Variants in GALNT12 observed in about 807,000 individuals in gnomAD.
GALNT12 encodes the protein UDP-GalNAc:polypeptide N-acetylgalactosaminyltransferase 12.
A neutral mutation model predicts 55.5 loss-of-function variants in GALNT12; 45 were observed. That is an observed-to-expected ratio of 0.81 (90% confidence interval 0.64 to 1.04). The LOEUF (loss-of-function observed/expected upper bound fraction) is 1.04. GALNT12 is among the 50% of genes least tolerant of loss of function. GALNT12 has a pLI of 0.00. For missense variants in GALNT12, 709 were observed against 754.8 expected, an observed-to-expected ratio of 0.94 and a Z score of 0.71; for synonymous variants, 304 against 312.2, an observed-to-expected ratio of 0.97 and a Z score of 0.28.
rs1193890334 is a variant in GALNT12, at chr9:98,840,195, C to T, written c.1344+62C>T. On this transcript the variant is annotated intron_variant, in intron 7 of 9. Transcript: ENST00000375011. ...TTCCCTGGCCTCTGGGTCTGCTCTG[C>T]AAATCCTGGGCAAGAAAGGCCACGT... The T allele has an allele frequency of 1.8e-5, 29 of 1,604,766 alleles. No homozygotes were observed. In the South Asian group the frequency reaches 2.9e-4, roughly 16 times the overall value.
chr9:98,817,609 GCCCACCA>G (rs1835643004), intron 1 of GALNT12, among the ~76,000 whole-genome samples: 1 of 151,916 alleles, frequency 6.6e-6, no homozygotes, highest in Non-Finnish European at 1.5e-5. Flanking sequence ...GACTACAGGT[GCCCACCA>G]CCACGTTCTG....
chr9:98,826,959 C>T lies in GALNT12; in HGVS notation c.731+18C>T. On this transcript the variant is annotated intron_variant, in intron 3 of 9. Coordinates refer to ENST00000375011, the MANE Select transcript of GALNT12 (RefSeq NM_024642.5). ...CTGCAGAGGTACGTGAGCCGCCCACCATGGGAGAGACAGCATGTTACCTGG... is the reference window on the plus strand; with the variant it reads ...CTGCAGAGGTACGTGAGCCGCCCACTATGGGAGAGACAGCATGTTACCTGG... The T allele has an allele frequency of 1.3e-6, 2 of 1,552,498 alleles. No individual in the cohort carries two copies. Among genetic ancestry groups the T allele is most frequent in the Non-Finnish European group, 1.7e-6 (2 of 1,147,598 alleles).
At chr9:98,845,562 T>C (rs1265797514) in intron 8 of GALNT12, among the ~76,000 whole-genome samples, 6 of 152,108 alleles carry the variant, frequency 3.9e-5, no homozygotes, top group African/African-American at 1.4e-4. Flanking sequence ...GGAACTGTCA[T>C]ATTGGGGGTT....
chr9:98,829,579 C>A (rs1187161388), intron 3 of GALNT12, among the ~76,000 whole-genome samples: 1 of 151,856 alleles, frequency 6.6e-6, no homozygotes, highest in East Asian at 1.9e-4. Context: ...TTCATTCTTT[C>A]TATTTTTTTG....
In GALNT12 at chr9:98,849,380, T is replaced by C. The variant is rs985928177; in HGVS notation, c.*288T>C. 1.2e-5 allele frequency: 7 copies of C among 572,060 alleles called. No homozygotes were observed. Among genetic ancestry groups the C allele is most frequent in the Admixed American group, 1.0e-4 (3 of 30,072 alleles). 35.4% of individuals were successfully genotyped at this position (572,060 alleles called of 1,614,324 possible). On this transcript the variant is annotated 3_prime_UTR_variant, in exon 10 of 10. Coordinates refer to ENST00000375011, the MANE Select transcript of GALNT12 (RefSeq NM_024642.5). ...GAAAATTAAAACCTTATAATATTTT[T>C]CTATCAAGATGTATATTTTACAGTC... is the stretch of plus-strand genomic sequence containing the variant.
At chr9:98,810,644 G>A (rs1264487582) in intron 1 of GALNT12, among the ~76,000 whole-genome samples, 1 of 152,132 alleles carries the variant, frequency 6.6e-6, no homozygotes, top group Non-Finnish European at 1.5e-5. Context: ...GACTCTTCCT[G>A]GTGTCAGCAG....
At chr9:98,820,841 G>A (rs1230782014) in intron 1 of GALNT12, among the ~76,000 whole-genome samples, 3 of 152,126 alleles carry the variant, frequency 2.0e-5, no homozygotes, top group East Asian at 1.9e-4. Flanking sequence ...AAAGAATGTC[G>A]TGTCTTCCAA....
At chr9:98,821,305 C>T (rs866342978) in intron 1 of GALNT12, among the ~76,000 whole-genome samples, 8 of 152,076 alleles carry the variant, frequency 5.3e-5, no homozygotes, top group Non-Finnish European at 7.4e-5. Context: ...CCATCATGCC[C>T]GGCCCTGTTC....
chr9:98,811,559 C>T (rs1165976364), intron 1 of GALNT12, among the ~76,000 whole-genome samples: 1 of 152,142 alleles, frequency 6.6e-6, no homozygotes, highest in African/African-American at 2.4e-5. Flanking sequence ...TCAAGGAAAG[C>T]ATGGTGTTTT....
At chr9:98,817,719 C>T (rs1835646014) in intron 1 of GALNT12, among the ~76,000 whole-genome samples, 1 of 152,118 alleles carries the variant, frequency 6.6e-6, no homozygotes, top group African/African-American at 2.4e-5. Flanking sequence ...GCCTCAGCCT[C>T]CCAAAGTGCT....
Position 98,823,288 on chromosome 9 carries a change from T to A in GALNT12, c.404T>A (p.Leu135Ter). 3 of 1,614,174 alleles carry A rather than the reference T, an allele frequency of 1.9e-6. No homozygotes were observed. The highest frequency in any genetic ancestry group is 2.5e-6 in the Non-Finnish European group (3 of 1,179,964). Residue 135 changes from leucine to a stop codon, truncating the protein, a stop_gained, in exon 2 of 10, where the codon TTG becomes TAG. Coordinates refer to ENST00000375011, the MANE Select transcript of GALNT12 (RefSeq NM_024642.5). LOFTEE classifies it high-confidence loss of function. ...CKEKKYDYDN[L>*]PRTSVIIAFY... ...GAGAAGAAATATGATTATGATAATT[T>A]GCCCAGGACATCTGTTATCATAGCA...
chr9:98,825,272 C>T (rs955452766), intron 2 of GALNT12, among the ~76,000 whole-genome samples: 4 of 152,106 alleles, frequency 2.6e-5, no homozygotes, highest in African/African-American at 2.4e-5. Flanking sequence ...GATTAAATAG[C>T]TCCTCAGTAG....
intron 9 of GALNT12, 127 bp from the exon 10 acceptor site, chr9:98,848,825 G>A: frequency 1.8e-6 from 2 of 1,111,050 alleles, no homozygotes; most frequent in South Asian, 2.7e-5. Context: ...GCGTTACACG[G>A]AAGACACTTA....
chr9:98,844,367 T>C (rs1324332035), intron 8 of GALNT12, 158 bp downstream of exon 8: 8 of 641,214 alleles, frequency 1.2e-5, no homozygotes, highest in African/African-American at 1.1e-4. Context: ...TAAAATGTGT[T>C]TTCTTCCCAT....
chr9:98,849,939 T>C lies in GALNT12; in HGVS notation c.*847T>C, dbSNP rs550688174. On this transcript the variant is annotated 3_prime_UTR_variant, in exon 10 of 10. Transcript: ENST00000375011. Reference sequence around the variant, plus strand: ...CATTAATAACAGTTATTAATTTAAATCAGCGTTAGAGTTTGTGCTGCTGCA... The same window carrying C: ...CATTAATAACAGTTATTAATTTAAACCAGCGTTAGAGTTTGTGCTGCTGCA... 4.3e-6 allele frequency: 1 copy of C among 230,294 alleles called. No homozygotes were observed. The highest frequency in any genetic ancestry group is 5.7e-5 in the Admixed American group (1 of 17,618). 14.3% of individuals were successfully genotyped at this position (230,294 alleles called of 1,614,324 possible). A position where few individuals can be genotyped will look rare whatever the true frequency, so the allele number is the denominator to read the frequency against.
intron 1 of GALNT12, 55 bp from the exon 2 acceptor site, chr9:98,823,201 C>A: frequency 6.5e-7 from 1 of 1,537,448 alleles, no homozygotes; most frequent in Non-Finnish European, 9.0e-7. Flanking sequence ...TCACTCCATC[C>A]CCAGTGCCAG....
intron 7 of GALNT12, among the ~76,000 whole-genome samples, chr9:98,840,536 A>C (rs575084350): frequency 1.3e-5 from 2 of 152,286 alleles, no homozygotes; most frequent in South Asian, 4.2e-4. Flanking sequence ...TATTTCAAAA[A>C]ACCTAAAAAA....
chr9:98,843,594 A>G (rs1041414267), intron 7 of GALNT12, among the ~76,000 whole-genome samples: 16 of 152,080 alleles, frequency 1.1e-4, no homozygotes, highest in Non-Finnish European at 5.9e-5. Flanking sequence ...TTTAGTAGAG[A>G]TGCGGTTTTG....
At chr9:98,845,913 C>T (rs879049476) in intron 8 of GALNT12, 64 bp from the exon 9 acceptor site, 19 of 1,565,220 alleles carry the variant, frequency 1.2e-5, no homozygotes, top group Admixed American at 7.1e-5. Flanking sequence ...TCTTGTCCAG[C>T]GATCTTTCCT....
Sources: gnomAD v4.1 joint callset for allele counts (sites outside exome capture counted in the v4.1 genomes callset) on GRCh38, gnomAD v4.1.1 for gene constraint, MANE v1.5 for transcripts, NCBI Gene and HGNC (gene_info 2026-07-23, HGNC 2026-07-21) for gene names.